PLPPR1: variants seen among roughly 807,000 people sequenced by gnomAD.
PLPPR1 encodes the protein phospholipid phosphatase related 1.
PLPPR1 carries 10 observed loss-of-function variants against 33.1 expected under a neutral mutation model. The observed-to-expected ratio is 0.30, with a 90% CI of 0.19 to 0.51. PLPPR1 has a LOEUF of 0.51. PLPPR1 is among the 20% of genes least tolerant of loss of function. The pLI is 0.97. For synonymous variants in PLPPR1, 151 were observed against 151.0 expected, an observed-to-expected ratio of 1.00 and a Z score of 0.00; for missense variants, 304 against 408.1, an observed-to-expected ratio of 0.74 and a Z score of 2.20.
chr9:101,113,260 C>A (rs1831079531), intron 1 of PLPPR1, among the ~76,000 whole-genome samples: 1 of 149,112 alleles, frequency 6.7e-6, no homozygotes, highest in Non-Finnish European at 1.5e-5. Flanking sequence ...AGTGTGAAAA[C>A]TAAATACTGG....
intron 1 of PLPPR1, among the ~76,000 whole-genome samples, chr9:101,061,684 A>G (rs901951079): frequency 1.2e-4 from 18 of 147,550 alleles, no homozygotes; most frequent in African/African-American, 4.2e-4. Flanking sequence ...TAGACTTGTT[A>G]GAGACTATTT....
chr9:101,295,260 C>A (rs1218791387), intron 4 of PLPPR1, among the ~76,000 whole-genome samples: 1 of 151,884 alleles, frequency 6.6e-6, no homozygotes, highest in Non-Finnish European at 1.5e-5. Context: ...TGAAGGACCT[C>A]TTCAAGGAGA....
intron 1 of PLPPR1, among the ~76,000 whole-genome samples, chr9:101,064,464 C>T (rs998425932): frequency 6.6e-6 from 1 of 151,966 alleles, no homozygotes; most frequent in Non-Finnish European, 1.5e-5. Flanking sequence ...AACAGTGGTG[C>T]CAGAGCAAAC....
chr9:101,127,624 T>C (rs1179792426), intron 1 of PLPPR1, among the ~76,000 whole-genome samples: 1 of 152,182 alleles, frequency 6.6e-6, no homozygotes, highest in Non-Finnish European at 1.5e-5. Context: ...CCAGCAAGTC[T>C]AGACACATTC....
intron 6 of PLPPR1, among the ~76,000 whole-genome samples, chr9:101,315,639 T>C (rs1199472950): frequency 6.6e-6 from 1 of 152,212 alleles, no homozygotes; most frequent in East Asian, 1.9e-4. Flanking sequence ...ACAAATGGCC[T>C]TTACGTAAGA....
At chr9:101,314,694 G>A (rs749782424) in intron 6 of PLPPR1, among the ~76,000 whole-genome samples, 6 of 151,456 alleles carry the variant, frequency 4.0e-5, no homozygotes, top group Non-Finnish European at 8.8e-5. Context: ...AGCATGTGCT[G>A]TTGAAAAAAT....
intron 7 of PLPPR1, among the ~76,000 whole-genome samples, chr9:101,322,972 A>C (rs1829183572): frequency 6.6e-6 from 1 of 152,194 alleles, no homozygotes; most frequent in Non-Finnish European, 1.5e-5. Flanking sequence ...AAAAAAGTTA[A>C]ACTAAAAACA....
intron 2 of PLPPR1, among the ~76,000 whole-genome samples, chr9:101,202,606 C>T (rs10989424): frequency 0.13 from 19,020 of 152,072 alleles, 1,427 homozygotes; most frequent in East Asian, 0.28. Context: ...GGGTGGTAAT[C>T]CCAGAAAGTA....
At chr9:101,078,160 AGAAGAAGAAGAAGAAGAAGAAGAAGAG>A (rs1830566804) in intron 1 of PLPPR1, among the ~76,000 whole-genome samples, 1 of 31,392 alleles carries the variant, frequency 3.2e-5, no homozygotes, top group Non-Finnish European at 6.1e-5. Flanking sequence ...AAGAAGAAGA[AGAAGAAGAAGAAGAAGAAGAAGAAGAG>A]GAGGGGGGGA....
At chr9:101,096,399 A>G (rs7851963) in intron 1 of PLPPR1, among the ~76,000 whole-genome samples, 106,791 of 151,594 alleles carry the variant, frequency 0.7, 37,777 homozygotes, top group East Asian at 0.88. Flanking sequence ...GTGCACATAT[A>G]ATGCAATGAT....
chr9:101,310,153 C>G (rs1479871108), intron 5 of PLPPR1, among the ~76,000 whole-genome samples: 4 of 152,136 alleles, frequency 2.6e-5, no homozygotes, highest in African/African-American at 7.2e-5. Context: ...ACAATGGTGT[C>G]TCTCTTATTT....
At chr9:101,200,505 C>T (rs563930707) in intron 2 of PLPPR1, among the ~76,000 whole-genome samples, 10 of 152,260 alleles carry the variant, frequency 6.6e-5, no homozygotes, top group Admixed American at 1.3e-4. Flanking sequence ...CTAGGTGATA[C>T]GATTTGAAGG....
intron 1 of PLPPR1, among the ~76,000 whole-genome samples, chr9:101,031,732 G>C (rs1829947943): frequency 6.6e-6 from 1 of 152,176 alleles, no homozygotes; most frequent in Non-Finnish European, 1.5e-5. Flanking sequence ...ATTTGAGCAG[G>C]TGATCTTTGA....
chr9:101,297,431 A>G (rs942348219), intron 4 of PLPPR1, among the ~76,000 whole-genome samples: 13 of 152,228 alleles, frequency 8.5e-5, no homozygotes, highest in Non-Finnish European at 5.9e-5. Context: ...TGACAAGAAT[A>G]GTGACATCAA....
intron 7 of PLPPR1, among the ~76,000 whole-genome samples, chr9:101,321,613 G>T (rs926957976): frequency 6.6e-6 from 1 of 151,992 alleles, no homozygotes; most frequent in African/African-American, 2.4e-5. Context: ...GTGTTGTTCA[G>T]TTGAGTTCTT....
At chr9:101,247,313 A>G (rs1827628895) in intron 2 of PLPPR1, among the ~76,000 whole-genome samples, 1 of 152,026 alleles carries the variant, frequency 6.6e-6, no homozygotes, top group Admixed American at 6.6e-5. Context: ...AGAAAAAAAC[A>G]GAAGCAGCAA....
rs1830886582 is a variant in PLPPR1, at chr9:101,100,696, CCGTGTGTG to C, written c.-46+71595_-46+71602del. Among the ~76,000 whole-genome samples, 11 of 104,556 alleles carry C rather than the reference CCGTGTGTG, an allele frequency of 1.1e-4. No homozygotes were observed. The South Asian group carries it at 3.8e-3, about 36-fold the overall frequency. 68.6% of individuals were successfully genotyped at this position (104,556 alleles called of 152,430 possible). ...CATCAGAAACTATTTACTCTTTGTTCCGTGTGTGTGTGTGTGTGTGTGTGTGTGTGTGT... is the reference window on the plus strand; with the variant it reads ...CATCAGAAACTATTTACTCTTTGTTCTGTGTGTGTGTGTGTGTGTGTGTGT... On this transcript the variant is annotated intron_variant, in intron 1 of 7. Coordinates refer to ENST00000374874, the MANE Select transcript of PLPPR1 (RefSeq NM_207299.2).
intron 3 of PLPPR1, among the ~76,000 whole-genome samples, chr9:101,274,152 C>A (rs541764168): frequency 2.3e-4 from 35 of 152,130 alleles, no homozygotes; most frequent in Admixed American, 4.6e-4. Context: ...ATTATGAAAC[C>A]CCGATTCAGC....
At chr9:101,037,895 C>T (rs1458553349) in intron 1 of PLPPR1, among the ~76,000 whole-genome samples, 2 of 139,266 alleles carry the variant, frequency 1.4e-5, no homozygotes, top group Non-Finnish European at 3.0e-5. Context: ...TAATATGTGA[C>T]ACAGACAGTT....
Sources: allele counts gnomAD v4.1 joint callset (sites outside exome capture counted in the v4.1 genomes callset), GRCh38; gene constraint gnomAD v4.1.1; transcripts MANE v1.5; gene names NCBI Gene and HGNC (gene_info 2026-07-23, HGNC 2026-07-21).